The following NF2 variants were observed in gnomAD, a reference collection of about 807,000 sequenced individuals.
NF2 encodes NF2, moesin-ezrin-radixin like (MERLIN) tumor suppressor.
A neutral mutation model predicts 83.7 loss-of-function variants in NF2; 8 were observed. The ratio of observed to expected loss-of-function variants is 0.10; its 90% CI spans 0.06 to 0.17. The LOEUF (loss-of-function observed/expected upper bound fraction) is 0.17, where lower values mean the gene tolerates loss of function less well. NF2 is among the 10% of genes least tolerant of loss of function. NF2 has a pLI of 1.00. For synonymous variants in NF2, 266 were observed against 269.6 expected, an observed-to-expected ratio of 0.99 and a Z score of 0.13; for missense variants, 533 against 744.4, an observed-to-expected ratio of 0.72 and a Z score of 3.31.
intron 4 of NF2, among the ~76,000 whole-genome samples, chr22:29,650,073 A>T (rs1211976634): frequency 6.6e-6 from 1 of 152,190 alleles, no homozygotes; most frequent in Non-Finnish European, 1.5e-5. Flanking sequence ...TAAAAATGAA[A>T]TTAGAAGTGA....
chr22:29,648,240 T>TA (rs747407608), intron 4 of NF2, among the ~76,000 whole-genome samples: 1 of 151,776 alleles, frequency 6.6e-6, no homozygotes, highest in African/African-American at 2.4e-5. Flanking sequence ...AACCCCAATA[T>TA]AAAAAAAATC....
At chr22:29,679,244 AC>A (rs1177105654) in intron 14 of NF2, among the ~76,000 whole-genome samples, 1 of 152,178 alleles carries the variant, frequency 6.6e-6, no homozygotes, top group African/African-American at 2.4e-5. Context: ...ATGTGCTTTT[AC>A]CATGGGTGGT....
At chr22:29,658,395 G>A (rs1465064971) in intron 7 of NF2, 131 bp downstream of exon 7, 6 of 869,244 alleles carry the variant, frequency 6.9e-6, no homozygotes, top group Non-Finnish European at 1.1e-5. Context: ...GAAGGAAAGA[G>A]GAAGGAAAGA....
intron 10 of NF2, among the ~76,000 whole-genome samples, chr22:29,669,358 G>A (rs1269925353): frequency 6.6e-6 from 1 of 152,108 alleles, no homozygotes; most frequent in Admixed American, 6.5e-5. Flanking sequence ...GCAGTTTCAT[G>A]AAGAGCTCGT....
At chr22:29,693,605 A>G (rs1295600629) in intron 15 of NF2, among the ~76,000 whole-genome samples, 1 of 152,218 alleles carries the variant, frequency 6.6e-6, no homozygotes, top group Non-Finnish European at 1.5e-5. Flanking sequence ...TCCAGAGGAA[A>G]GAGGCTCAGA....
intron 4 of NF2, among the ~76,000 whole-genome samples, chr22:29,649,297 C>T (rs2066073393): frequency 6.6e-6 from 1 of 152,178 alleles, no homozygotes; most frequent in Non-Finnish European, 1.5e-5. Flanking sequence ...GTGACTGATA[C>T]TGGCCAGGCA....
chr22:29,651,305 A>G (rs934503932), intron 4 of NF2, among the ~76,000 whole-genome samples: 2 of 152,234 alleles, frequency 1.3e-5, no homozygotes, highest in African/African-American at 4.8e-5. Flanking sequence ...AGTCTTTTAA[A>G]TGGTAAACTC....
intron 11 of NF2, among the ~76,000 whole-genome samples, chr22:29,672,626 T>A (rs543264089): frequency 1.3e-5 from 2 of 151,068 alleles, no homozygotes; most frequent in South Asian, 4.2e-4. Context: ...TTTTATTTTT[T>A]TTTTTTGAGA....
chr22:29,644,767 G>A (rs948913795), intron 4 of NF2, among the ~76,000 whole-genome samples: 1 of 152,212 alleles, frequency 6.6e-6, no homozygotes, highest in African/African-American at 2.4e-5. Flanking sequence ...AAAAAAATAC[G>A]AAAACCCGTC....
chr22:29,612,068 C>T (rs1035509381), intron 1 of NF2, among the ~76,000 whole-genome samples: 3 of 152,072 alleles, frequency 2.0e-5, no homozygotes, highest in Non-Finnish European at 2.9e-5. Flanking sequence ...AATGCGGTGG[C>T]GCGATCTCGG....
chr22:29,692,563 C>G (rs2067435280), intron 15 of NF2, among the ~76,000 whole-genome samples: 1 of 152,222 alleles, frequency 6.6e-6, no homozygotes, highest in African/African-American at 2.4e-5. Flanking sequence ...CACAAATGGG[C>G]AGGAGCCTCT....
chr22:29,661,999 C>T (rs2147017550), intron 8 of NF2, among the ~76,000 whole-genome samples: 1 of 152,276 alleles, frequency 6.6e-6, no homozygotes, highest in Admixed American at 6.5e-5. Context: ...GATAAATGCT[C>T]TTAGAATTTA....
rs2066911555 is a variant in NF2, at chr22:29,674,838, C to T, written c.1343C>T (p.Ala448Val). The change falls in exon 13 of 16, where the codon GCC (alanine) becomes GTC (valine). Residue 448 changes from alanine to valine, a missense_variant and splice_region_variant. Coordinates refer to ENST00000338641, the MANE Select transcript of NF2 (RefSeq NM_000268.4). ...LKMAEESERR[A>V]KEADQLKQDL... The stretch of plus-strand genomic sequence containing the variant: ...GACATCTCATCCTTTCCTTGCAGGG[C>T]CAAAGAGGCAGATCAGCTGAAGCAG... The T allele has an allele frequency of 6.4e-7, 1 of 1,555,736 alleles. No individual in the cohort carries two copies. The highest frequency in any genetic ancestry group is 8.7e-7 in the Non-Finnish European group (1 of 1,148,940).
intron 1 of NF2, among the ~76,000 whole-genome samples, chr22:29,605,751 A>G (rs1481301743): frequency 2.6e-5 from 4 of 152,230 alleles, no homozygotes; most frequent in African/African-American, 9.6e-5. Context: ...AACCAAGATC[A>G]TTCCCTCCTT....
At position 29,619,701 on chromosome 22, in the gene NF2, A is replaced by G. The variant is rs112199486; in HGVS notation, c.114+15589A>G. Among the ~76,000 whole-genome samples the G allele has an allele frequency of 4.7e-4, 72 of 152,148 alleles. 1 individual carries two copies. The highest frequency in any genetic ancestry group is 1.7e-3 in the African/African-American group (69 of 41,536). Reference sequence around the variant, plus strand: ...TGAGCCACCGTGCCCGACCTCTCCCATGGGTTTTAAGTAGTGCCTATGGAT... The same window carrying G: ...TGAGCCACCGTGCCCGACCTCTCCCGTGGGTTTTAAGTAGTGCCTATGGAT... On this transcript the variant is annotated intron_variant, in intron 1 of 15. Coordinates refer to ENST00000338641, the MANE Select transcript of NF2 (RefSeq NM_000268.4).
At position 29,698,149 on chromosome 22, in the gene NF2, A is replaced by C. The variant is rs1822545265; in HGVS notation, c.*3347A>C. The stretch of plus-strand genomic sequence containing the variant: ...CCACCTCAGCCACAGCAGTCCCCCC[A>C]ACCTGTGTTGTCCACCCTATTATTC... On this transcript the variant is annotated 3_prime_UTR_variant, in exon 16 of 16. Transcript: ENST00000338641. 4.3e-6 allele frequency: 1 copy of C among 232,398 alleles called. No homozygotes were observed. 14.4% of individuals were successfully genotyped at this position (232,398 alleles called of 1,614,324 possible). A position where few individuals can be genotyped will look rare whatever the true frequency, so the allele number is the denominator to read the frequency against.
In NF2 at chr22:29,695,366, CAGGCACCCCG is replaced by C. The variant is rs1011898971; in HGVS notation, c.*569_*578del. Reference sequence around the variant, plus strand: ...TGACGAGCAAGTGCTGGGTCCCCGCCAGGCACCCCGAGGCGGCGCTCTGGCTGGCAGCTGG... The same window carrying C: ...TGACGAGCAAGTGCTGGGTCCCCGCCAGGCGGCGCTCTGGCTGGCAGCTGG... On this transcript the variant is annotated 3_prime_UTR_variant, in exon 16 of 16. Transcript: ENST00000338641. This position sits in a 1 kb window ranked among gnomAD's most constrained non-coding sequence, Gnocchi z 5.4. 1.5e-5 allele frequency: 4 copies of C among 259,074 alleles called. No individual in the cohort carries two copies. Among genetic ancestry groups the C allele is most frequent in the African/African-American group, 8.6e-5 (4 of 46,294 alleles). 16.0% of individuals were successfully genotyped at this position (259,074 alleles called of 1,614,324 possible). A position where few individuals can be genotyped will look rare whatever the true frequency, so the allele number is the denominator to read the frequency against.
chr22:29,611,533 A>G (rs2064953672), intron 1 of NF2, among the ~76,000 whole-genome samples: 1 of 152,200 alleles, frequency 6.6e-6, no homozygotes. Flanking sequence ...AAACAAACAA[A>G]CAAACAAAAT....
At position 29,698,265 on chromosome 22, in the gene NF2, C is replaced by G. The variant is rs1473407863; in HGVS notation, c.*3463C>G. The G allele has an allele frequency of 4.4e-6, 1 of 227,550 alleles. No individual in the cohort carries two copies. Among genetic ancestry groups the G allele is most frequent in the Admixed American group, 5.7e-5 (1 of 17,574 alleles). 14.1% of individuals were successfully genotyped at this position (227,550 alleles called of 1,614,324 possible). A position where few individuals can be genotyped will look rare whatever the true frequency, so the allele number is the denominator to read the frequency against. On this transcript the variant is annotated 3_prime_UTR_variant, in exon 16 of 16. Transcript: ENST00000338641. ...GTCTTGTAATTTTGGGGACAGGTTTCTCTCTTTCCCTCTCTTTTTTTTGTC... is the reference window on the plus strand; with the variant it reads ...GTCTTGTAATTTTGGGGACAGGTTTGTCTCTTTCCCTCTCTTTTTTTTGTC...
Sources: allele counts gnomAD v4.1 joint callset (sites outside exome capture counted in the v4.1 genomes callset), GRCh38; gene constraint gnomAD v4.1.1; non-coding constraint Gnocchi (gnomAD v3.1); transcripts MANE v1.5; gene names NCBI Gene and HGNC (gene_info 2026-07-23, HGNC 2026-07-21).